RBM20: variants seen among roughly 807,000 people sequenced by gnomAD.
RBM20 encodes the protein RNA binding motif protein 20, also known as RNA-binding protein 20.
RBM20 carries 51 observed loss-of-function variants against 110.1 expected under a neutral mutation model. The ratio of observed to expected loss-of-function variants is 0.46; its 90% CI spans 0.37 to 0.59. The LOEUF (loss-of-function observed/expected upper bound fraction) is 0.59, where lower values mean the gene tolerates loss of function less well. RBM20 is among the 20% of genes least tolerant of loss of function. RBM20 has a pLI of 0.00. For synonymous variants in RBM20, 589 were observed against 618.2 expected (o/e 0.95, Z 0.70); for missense variants, 1,512 against 1,574.9 (o/e 0.96, Z 0.68).
chr10:110,724,473 T>C (rs191352493), intron 1 of RBM20, among the ~76,000 whole-genome samples: 72 of 152,296 alleles, frequency 4.7e-4, no homozygotes, highest in African/African-American at 1.6e-3. Context: ...TGAGAGTGCT[T>C]CGTCAAGATT....
intron 1 of RBM20, among the ~76,000 whole-genome samples, chr10:110,755,496 T>A (rs929001888): frequency 6.6e-6 from 1 of 152,248 alleles, no homozygotes; most frequent in Non-Finnish European, 1.5e-5. Context: ...CCTTCCCTCG[T>A]AGGAAATAGC....
intron 1 of RBM20, among the ~76,000 whole-genome samples, chr10:110,751,982 A>T (rs188492431): frequency 6.6e-6 from 1 of 151,908 alleles, no homozygotes; most frequent in Non-Finnish European, 1.5e-5. Context: ...AGCCTCCCCT[A>T]TGGCCAACAT....
At chr10:110,713,608 A>G (rs1020420205) in intron 1 of RBM20, among the ~76,000 whole-genome samples, 2 of 152,236 alleles carry the variant, frequency 1.3e-5, no homozygotes, top group Non-Finnish European at 2.9e-5. Flanking sequence ...TTATCTAAAT[A>G]TATGCATTAC....
At position 110,710,137 on chromosome 10, in the gene RBM20, T is replaced by A. The variant is rs1239391996; in HGVS notation, c.191+65492T>A. Among the ~76,000 whole-genome samples, 3 of 152,202 alleles carry A rather than the reference T, an allele frequency of 2.0e-5. No homozygotes were observed. In the East Asian group the frequency reaches 5.8e-4, roughly 29 times the overall value. ...AACTTTTTTTTATCATGCTATTTGA[T>A]CCTTAGTGTCCAAGGTCCCTTTAGT... On this transcript the variant is annotated intron_variant, in intron 1 of 13. Transcript: ENST00000369519.
chr10:110,780,244 A>C (rs1844319447), intron 1 of RBM20, among the ~76,000 whole-genome samples: 1 of 152,238 alleles, frequency 6.6e-6, no homozygotes, highest in Non-Finnish European at 1.5e-5. Flanking sequence ...TAATTTCCTC[A>C]GTTCAAATCC....
intron 5 of RBM20, among the ~76,000 whole-genome samples, chr10:110,786,845 G>A (rs1423123408): frequency 6.6e-6 from 1 of 152,242 alleles, no homozygotes; most frequent in African/African-American, 2.4e-5. Flanking sequence ...CAGGTGGGCA[G>A]GGGGCAGGGC....
chr10:110,758,165 T>C (rs1374433954), intron 1 of RBM20, among the ~76,000 whole-genome samples: 1 of 151,720 alleles, frequency 6.6e-6, no homozygotes, highest in Non-Finnish European at 1.5e-5. Flanking sequence ...ACTAGAGGTG[T>C]GCACCACCAC....
At chr10:110,784,277 G>A in intron 3 of RBM20, 64 bp from the exon 4 acceptor site, 1 of 1,225,932 alleles carries the variant, frequency 8.2e-7, no homozygotes, top group Non-Finnish European at 1.2e-6. Flanking sequence ...GGAATTTCTG[G>A]GTCACATGCT....
At position 110,821,611 on chromosome 10, in the gene RBM20, G is replaced by A; in HGVS notation, c.2992G>A (p.Glu998Lys). The A allele has an allele frequency of 6.4e-7, 1 of 1,551,392 alleles. No homozygotes were observed. Among genetic ancestry groups the A allele is most frequent in the Non-Finnish European group, 8.7e-7 (1 of 1,146,592 alleles). ...AAGCTGTCCCAGTGACATGGACGTGGAAATGCCTGGCCTAAATCTGGATGC... is the reference window on the plus strand; with the variant it reads ...AAGCTGTCCCAGTGACATGGACGTGAAAATGCCTGGCCTAAATCTGGATGC... The part of the protein sequence containing the change: ...STSCPSDMDV[E>K]MPGLNLDAER... The change falls in exon 11 of 14, where the codon GAA (glutamate) becomes AAA (lysine). Residue 998 changes from glutamate (E) to lysine (K), a missense_variant. Transcript: ENST00000369519.
At position 110,780,942 on chromosome 10, in the gene RBM20, C is replaced by G. The variant is rs994636707; in HGVS notation, c.333C>G (p.Thr111=). 6.4e-7 allele frequency: 1 copy of G among 1,551,696 alleles called. No individual in the cohort carries two copies. The highest frequency in any genetic ancestry group is 1.4e-5 in the African/African-American group (1 of 73,156). The change falls in exon 2 of 14, where the codon ACC becomes ACG. Residue 111 remains threonine, a synonymous_variant. Transcript: ENST00000369519. Reference sequence around the variant, plus strand: ...TGAAGCTGGCACAGACAGCTGTCACCAACAACACTGCAGCCGCCACAGTCC... The same window carrying G: ...TGAAGCTGGCACAGACAGCTGTCACGAACAACACTGCAGCCGCCACAGTCC... ...HRLKLAQTAV[T]NNTAAATVLN...
chr10:110,703,855 T>C lies in RBM20; in HGVS notation c.191+59210T>C, dbSNP rs187302585. On this transcript the variant is annotated intron_variant, in intron 1 of 13. Coordinates refer to ENST00000369519, the MANE Select transcript of RBM20 (RefSeq NM_001134363.3). The stretch of plus-strand genomic sequence containing the variant: ...GGCCAGGCATGGTGGCTCATGCCTA[T>C]AATCCCAGCATTTTGGGAGGCCACG... Among the ~76,000 whole-genome samples, 33 of 152,350 alleles carry C rather than the reference T, an allele frequency of 2.2e-4. No individual in the cohort carries two copies. The East Asian group carries it at 6.4e-3, about 29-fold the overall frequency.
intron 1 of RBM20, among the ~76,000 whole-genome samples, chr10:110,758,230 C>G (rs953028526): frequency 7.9e-5 from 12 of 151,830 alleles, no homozygotes; most frequent in Non-Finnish European, 1.5e-4. Flanking sequence ...GTTGCCCAGG[C>G]TGATCTCAAA....
intron 1 of RBM20, among the ~76,000 whole-genome samples, chr10:110,734,618 C>CTTTT (rs1554894037): frequency 2.2e-5 from 3 of 136,530 alleles, no homozygotes; most frequent in African/African-American, 8.1e-5. Flanking sequence ...AAAATTCCCT[C>CTTTT]TTTTTTTTTT....
At chr10:110,743,746 G>T (rs1387635445) in intron 1 of RBM20, among the ~76,000 whole-genome samples, 1 of 152,160 alleles carries the variant, frequency 6.6e-6, no homozygotes, top group Admixed American at 6.5e-5. Flanking sequence ...CTCCTGAGTA[G>T]CTGGGACCAC....
chr10:110,715,728 G>A (rs1454508900), intron 1 of RBM20, among the ~76,000 whole-genome samples: 6 of 152,302 alleles, frequency 3.9e-5, no homozygotes, highest in South Asian at 2.1e-4. Flanking sequence ...GAGCTAACTG[G>A]AACATGTGGC....
chr10:110,655,165 G>T lies in RBM20; in HGVS notation c.191+10520G>T, dbSNP rs368323177. On this transcript the variant is annotated intron_variant, in intron 1 of 13. Transcript: ENST00000369519. ...TTTATAGAAAATCCATCACTTACAA[G>T]AAAATATTATAGAAAAAAATGACTA... Among the ~76,000 whole-genome samples the T allele has an allele frequency of 4.7e-4, 72 of 152,170 alleles. 1 individual carries two copies. In the South Asian group the frequency reaches 0.014, roughly 29 times the overall value.
chr10:110,822,007 T>G (rs1362595501), intron 11 of RBM20, 72 bp downstream of exon 11: 1 of 1,391,756 alleles, frequency 7.2e-7, no homozygotes, highest in African/African-American at 1.4e-5. Flanking sequence ...AGTATGAGCA[T>G]GTGCAGGCTG....
intron 5 of RBM20, among the ~76,000 whole-genome samples, chr10:110,794,025 G>A (rs1844517375): frequency 1.3e-5 from 2 of 152,172 alleles, no homozygotes; most frequent in East Asian, 1.9e-4. Flanking sequence ...GATTGCCGGT[G>A]CCCCTGATGT....
chr10:110,691,446 T>G (rs554290935), intron 1 of RBM20, among the ~76,000 whole-genome samples: 3 of 152,286 alleles, frequency 2.0e-5, no homozygotes, highest in Admixed American at 6.5e-5. Context: ...CACTTGTTAT[T>G]TTGTTTGTTT....
Sources: gnomAD v4.1 joint callset for allele counts (sites outside exome capture counted in the v4.1 genomes callset) on GRCh38, gnomAD v4.1.1 for gene constraint, MANE v1.5 for transcripts, NCBI Gene and HGNC (gene_info 2026-07-23, HGNC 2026-07-21) for gene names.